The following CMTM8 variants were observed in gnomAD, a reference collection of about 807,000 sequenced individuals.
CMTM8 encodes CKLF like MARVEL transmembrane domain containing 8, also known as CKLF-like MARVEL transmembrane domain-containing protein 8.
A neutral mutation model predicts 18.6 loss-of-function variants in CMTM8; 12 were observed. The ratio of observed to expected loss-of-function variants is 0.65; its 90% CI spans 0.41 to 1.05. CMTM8 has a LOEUF of 1.05. CMTM8 is among the 50% of genes least tolerant of loss of function. The pLI, the probability that CMTM8 is intolerant of heterozygous loss-of-function variation, is 0.00. For synonymous variants in CMTM8, 87 were observed against 90.6 expected, an observed-to-expected ratio of 0.96 and a Z score of 0.23; for missense variants, 217 against 227.2, an observed-to-expected ratio of 0.95 and a Z score of 0.29.
intron 1 of CMTM8, among the ~76,000 whole-genome samples, chr3:32,264,407 C>T (rs372825754): frequency 2.0e-5 from 3 of 152,090 alleles, no homozygotes; most frequent in Non-Finnish European, 4.4e-5. Flanking sequence ...AAATGCTGAG[C>T]GATTTTGTCA....
chr3:32,365,698 C>T (rs369075480), intron 2 of CMTM8, among the ~76,000 whole-genome samples: 1 of 152,188 alleles, frequency 6.6e-6, no homozygotes, highest in African/African-American at 2.4e-5. Context: ...CTACTCGCCT[C>T]GGCCTCCCAG....
At chr3:32,249,437 GAAA>G (rs66847705) in intron 1 of CMTM8, among the ~76,000 whole-genome samples, 1 of 102,718 alleles carries the variant, frequency 9.7e-6, no homozygotes. Flanking sequence ...CTCAAAAAAT[GAAA>G]AAAAAAAAAA....
chr3:32,247,972 G>A (rs1702062552), intron 1 of CMTM8, among the ~76,000 whole-genome samples: 1 of 152,072 alleles, frequency 6.6e-6, no homozygotes, highest in South Asian at 2.1e-4. Flanking sequence ...AATCCTATGT[G>A]GCCCTTTTGG....
chr3:32,363,031 T>C (rs999698798), intron 2 of CMTM8, among the ~76,000 whole-genome samples: 1 of 66,798 alleles, frequency 1.5e-5, no homozygotes, highest in Non-Finnish European at 3.7e-5. Context: ...AGTAAGTTAC[T>C]GTGTATACTT....
At chr3:32,367,712 G>A (rs985654305) in intron 2 of CMTM8, among the ~76,000 whole-genome samples, 160 bp from the exon 3 acceptor site, 1 of 152,078 alleles carries the variant, frequency 6.6e-6, no homozygotes, top group East Asian at 1.9e-4. Flanking sequence ...CTCTCCTCTC[G>A]CACTTAGAGC....
At chr3:32,273,038 C>T (rs1373144092) in intron 1 of CMTM8, among the ~76,000 whole-genome samples, 2 of 151,894 alleles carry the variant, frequency 1.3e-5, no homozygotes. Flanking sequence ...AATCCAAAAT[C>T]ACAATGAGAT....
intron 1 of CMTM8, among the ~76,000 whole-genome samples, chr3:32,336,053 C>A (rs747099935): frequency 7.2e-5 from 11 of 152,226 alleles, no homozygotes; most frequent in Non-Finnish European, 1.5e-4. Flanking sequence ...AGCACTGGGG[C>A]AAATGCTTGG....
chr3:32,301,388 C>T (rs1387643882), intron 1 of CMTM8, among the ~76,000 whole-genome samples: 3 of 148,280 alleles, frequency 2.0e-5, no homozygotes, highest in East Asian at 2.0e-4. Flanking sequence ...ATATATAAAG[C>T]AACATAAGAC....
chr3:32,297,933 G>A (rs1575165252), intron 1 of CMTM8, among the ~76,000 whole-genome samples: 2 of 152,022 alleles, frequency 1.3e-5, no homozygotes, highest in South Asian at 4.1e-4. Context: ...AAAAATTGGA[G>A]ATGATGAGAA....
intron 1 of CMTM8, among the ~76,000 whole-genome samples, chr3:32,281,782 A>C (rs547665847): frequency 1.3e-5 from 2 of 152,152 alleles, no homozygotes; most frequent in Admixed American, 1.3e-4. Context: ...TTCAGTGCTT[A>C]TCATACTGAG....
chr3:32,353,658 G>A (rs113026117), intron 1 of CMTM8, among the ~76,000 whole-genome samples: 2,287 of 152,178 alleles, frequency 0.015, 65 homozygotes, highest in African/African-American at 0.053. Context: ...TGCAGGCGGT[G>A]GTTATAAATG....
intron 2 of CMTM8, among the ~76,000 whole-genome samples, chr3:32,364,301 G>C (rs1033367789): frequency 6.6e-6 from 1 of 152,134 alleles, no homozygotes; most frequent in Admixed American, 6.6e-5. Context: ...TCAGGAGATC[G>C]AGACCATCTT....
intron 1 of CMTM8, among the ~76,000 whole-genome samples, chr3:32,254,354 T>A (rs1164847724): frequency 3.3e-5 from 5 of 152,248 alleles, no homozygotes; most frequent in Non-Finnish European, 7.3e-5. Flanking sequence ...CCCCTTTTAT[T>A]TTTTACCTTT....
intron 1 of CMTM8, among the ~76,000 whole-genome samples, chr3:32,244,176 C>A (rs1430917044): frequency 2.6e-5 from 4 of 152,154 alleles, no homozygotes; most frequent in African/African-American, 9.7e-5. Flanking sequence ...CCCTGCACAC[C>A]AACCAAGATC....
At chr3:32,362,296 G>A (rs1216562938) in intron 2 of CMTM8, among the ~76,000 whole-genome samples, 5 of 151,936 alleles carry the variant, frequency 3.3e-5, no homozygotes, top group Non-Finnish European at 7.4e-5. Flanking sequence ...GCCCGTCTTC[G>A]TCTCCCAAAG....
chr3:32,256,742 T>A (rs1156669189), intron 1 of CMTM8, among the ~76,000 whole-genome samples: 1 of 152,204 alleles, frequency 6.6e-6, no homozygotes, highest in African/African-American at 2.4e-5. Context: ...CTCACTCTAA[T>A]CTGGGAGGAC....
intron 1 of CMTM8, among the ~76,000 whole-genome samples, chr3:32,292,416 A>G (rs1702796170): frequency 6.6e-6 from 1 of 152,042 alleles, no homozygotes; most frequent in Non-Finnish European, 1.5e-5. Context: ...TGTTTCCCAT[A>G]TGTTGCAACT....
rs189612580 is a variant in CMTM8 at position 32,330,606 on chromosome 3, C to T, written c.148-26767C>T. Among the ~76,000 whole-genome samples the T allele has an allele frequency of 1.9e-4, 29 of 152,170 alleles. No individual in the cohort carries two copies. In the East Asian group the frequency reaches 2.1e-3, roughly 11 times the overall value. ...ACAGAATAGAGAGCCCAGTAATATACGCTCATATATGTAGTCAAAAGATCT... is the reference window on the plus strand; with the variant it reads ...ACAGAATAGAGAGCCCAGTAATATATGCTCATATATGTAGTCAAAAGATCT... On this transcript the variant is annotated intron_variant, in intron 1 of 3. Transcript: ENST00000307526.
In CMTM8 at chr3:32,261,946, G is replaced by T. The variant is rs146398500; in HGVS notation, c.147+22827G>T. Among the ~76,000 whole-genome samples the T allele has an allele frequency of 2.0e-5, 3 of 152,266 alleles. No homozygotes were observed. The South Asian group carries it at 6.2e-4, about 32-fold the overall frequency. ...CAATCTACTGTAGCTGGTTGAAGCC[G>T]CAAGGGATTTATTATGCATCATTAG... On this transcript the variant is annotated intron_variant, in intron 1 of 3. Coordinates refer to ENST00000307526, the MANE Select transcript of CMTM8 (RefSeq NM_178868.5).
Sources: gnomAD v4.1 joint callset for allele counts (sites outside exome capture counted in the v4.1 genomes callset) on GRCh38, gnomAD v4.1.1 for gene constraint, MANE v1.5 for transcripts, NCBI Gene and HGNC (gene_info 2026-07-23, HGNC 2026-07-21) for gene names.